LDB3: variants seen among roughly 807,000 people sequenced by gnomAD.
LDB3 encodes LIM domain binding 3.
Under a neutral mutation model 69.0 loss-of-function variants are expected in LDB3, and 49 were observed. The ratio of observed to expected loss-of-function variants is 0.71; its 90% CI spans 0.56 to 0.90. The LOEUF (loss-of-function observed/expected upper bound fraction) is 0.90. Ranked by LOEUF, LDB3 falls within the 40% of genes least tolerant of loss-of-function variation. The pLI is 0.00. For missense variants in LDB3, 928 were observed against 974.1 expected (o/e 0.95, Z 0.63); for synonymous variants, 387 against 396.2 (o/e 0.98, Z 0.28).
intron 12 of LDB3, among the ~76,000 whole-genome samples, chr10:86,724,023 A>C (rs1486182382): frequency 1.3e-5 from 2 of 152,190 alleles, no homozygotes; most frequent in East Asian, 1.9e-4. Flanking sequence ...TAAAATTGGA[A>C]TACTAGGCTG....
chr10:86,700,324 C>T (rs1017810660), intron 7 of LDB3, among the ~76,000 whole-genome samples: 3 of 152,148 alleles, frequency 2.0e-5, no homozygotes, highest in East Asian at 1.9e-4. Flanking sequence ...TATGGGAATA[C>T]TCGAATGCCC....
At chr10:86,730,257 C>A (rs1038243739) in intron 13 of LDB3, among the ~76,000 whole-genome samples, 2 of 152,190 alleles carry the variant, frequency 1.3e-5, no homozygotes, top group Non-Finnish European at 2.9e-5. Flanking sequence ...GGGGTGATTT[C>A]TCTGTCTCCA....
At chr10:86,719,597 G>A (rs117304734) in intron 12 of LDB3, among the ~76,000 whole-genome samples, 2,180 of 152,126 alleles carry the variant, frequency 0.014, 20 homozygotes, top group Admixed American at 0.024. Flanking sequence ...TACTTTCCTC[G>A]TCTGTAAACA....
intron 7 of LDB3, among the ~76,000 whole-genome samples, chr10:86,704,241 G>C (rs1328412472): frequency 6.6e-6 from 1 of 152,122 alleles, no homozygotes; most frequent in African/African-American, 2.4e-5. Flanking sequence ...ACACATGGAA[G>C]TTTGCAAAGT....
intron 7 of LDB3, among the ~76,000 whole-genome samples, chr10:86,703,078 T>C (rs1846320510): frequency 6.6e-6 from 1 of 152,208 alleles, no homozygotes; most frequent in Admixed American, 6.5e-5. Flanking sequence ...TAACAGTGAA[T>C]TGGAGCCAAG....
intron 2 of LDB3, among the ~76,000 whole-genome samples, chr10:86,677,899 T>G (rs1049415857): frequency 6.6e-6 from 1 of 152,206 alleles, no homozygotes; most frequent in Non-Finnish European, 1.5e-5. Context: ...CCCTTCAGCC[T>G]GGCAGTGTCT....
In LDB3 at chr10:86,697,968, A is replaced by G. The variant is rs75274502; in HGVS notation, c.896+5397A>G. Reference sequence around the variant, plus strand: ...TTCTCCCAATGGTAGCATCTTGCAAAATGAAAGCACAATATCACAACGAGG... The same window carrying G: ...TTCTCCCAATGGTAGCATCTTGCAAGATGAAAGCACAATATCACAACGAGG... On this transcript the variant is annotated intron_variant, in intron 7 of 13. Transcript: ENST00000361373. Among the ~76,000 whole-genome samples, 89 of 152,286 alleles carry G rather than the reference A, an allele frequency of 5.8e-4. 1 individual carries two copies. In the East Asian group the frequency reaches 0.017, roughly 28 times the overall value.
chr10:86,672,414 G>C (rs1333756455), intron 2 of LDB3, among the ~76,000 whole-genome samples: 1 of 152,262 alleles, frequency 6.6e-6, no homozygotes, highest in East Asian at 1.9e-4. Context: ...AACATGCTGA[G>C]GACAGAGGGT....
intron 9 of LDB3, among the ~76,000 whole-genome samples, chr10:86,713,065 AATAT>A (rs138161930): frequency 6.1e-5 from 9 of 148,532 alleles, no homozygotes; most frequent in East Asian, 5.9e-4. Flanking sequence ...CCGTCTCAAA[AATAT>A]ATATATATAT....
At chr10:86,681,965 C>T (rs938421839) in intron 5 of LDB3, among the ~76,000 whole-genome samples, 162 bp downstream of exon 5, 4 of 152,194 alleles carry the variant, frequency 2.6e-5, no homozygotes, top group South Asian at 2.1e-4. Flanking sequence ...TGCCATGAGC[C>T]GGGCATGCTA....
At chr10:86,677,780 G>A (rs4462249) in intron 2 of LDB3, among the ~76,000 whole-genome samples, 40,569 of 152,080 alleles carry the variant, frequency 0.27, 6,007 homozygotes, top group South Asian at 0.46. Context: ...TTTCCCAGCT[G>A]AGTTTGCTCA....
chr10:86,669,397 C>G (rs10887639), intron 2 of LDB3, among the ~76,000 whole-genome samples: 27,164 of 152,186 alleles, frequency 0.18, 2,694 homozygotes, highest in East Asian at 0.43. Flanking sequence ...TCTTGTTCCC[C>G]ACAAGTGCTG....
At position 86,718,779 on chromosome 10, in the gene LDB3, C is replaced by A; in HGVS notation, c.1910C>A (p.Ala637Glu). The A allele has an allele frequency of 1.2e-6, 2 of 1,614,098 alleles. No individual in the cohort carries two copies. The highest frequency in any genetic ancestry group is 1.7e-6 in the Non-Finnish European group (2 of 1,180,008). Residue 637 changes from alanine (A) to glutamate (E), a missense_variant, in exon 12 of 14, where the codon GCG becomes GAG. Ala to Glu is a moderately radical substitution (Grantham distance 107, BLOSUM62 -1). Coordinates refer to ENST00000361373, the MANE Select transcript of LDB3 (RefSeq NM_007078.3). ...TGGCACACCACCTGCTTCGTCTGTGCGGCCTGCAAGAAGCCTTTTGGGAAC... is the reference window on the plus strand; with the variant it reads ...TGGCACACCACCTGCTTCGTCTGTGAGGCCTGCAAGAAGCCTTTTGGGAAC... ...QTWHTTCFVCAACKKPFGNSL... is the reference protein window; with the variant it reads ...QTWHTTCFVCEACKKPFGNSL...
intron 2 of LDB3, among the ~76,000 whole-genome samples, chr10:86,672,237 C>T (rs900963631): frequency 3.9e-5 from 6 of 152,294 alleles, no homozygotes; most frequent in East Asian, 1.9e-4. Context: ...CTGGTGGAGT[C>T]GGGGGCTGAG....
chr10:86,678,723 C>T (rs1844943299), intron 2 of LDB3, among the ~76,000 whole-genome samples: 1 of 152,094 alleles, frequency 6.6e-6, no homozygotes, highest in African/African-American at 2.4e-5. Flanking sequence ...TTATTGTAAC[C>T]TCAAACTCCT....
chr10:86,699,898 C>G lies in LDB3; in HGVS notation c.897-6633C>G. The G allele has an allele frequency of 5.0e-6, 5 of 1,009,042 alleles. No individual in the cohort carries two copies. The highest frequency in any genetic ancestry group is 5.9e-6 in the Non-Finnish European group (5 of 843,206). The allele number at this position is 1,009,042 out of a possible 1,614,324, so 62.5% of individuals were successfully genotyped here. A position where few individuals can be genotyped will look rare whatever the true frequency, so the allele number is the denominator to read the frequency against. On this transcript the variant is annotated intron_variant, in intron 7 of 13. Transcript: ENST00000361373. The surrounding 1 kb of genome is among the most constrained non-coding windows in gnomAD (Gnocchi z 4.9). ...GGGCTCTTTGAAGAGGAAGTAGAAG[C>G]CCCAGGGTAATGAGGCAGAGACCCC...
At chr10:86,669,207 G>A (rs753760234) in intron 2 of LDB3, among the ~76,000 whole-genome samples, 29 of 152,160 alleles carry the variant, frequency 1.9e-4, no homozygotes, top group Admixed American at 1.1e-3. Flanking sequence ...GGCAGGTGAT[G>A]GGCAGTTGGA....
intron 13 of LDB3, 69 bp downstream of exon 13, chr10:86,726,321 C>T: frequency 2.5e-6 from 3 of 1,207,568 alleles, no homozygotes; most frequent in South Asian, 1.2e-5. Flanking sequence ...AGCCAGATGA[C>T]CAACCTCTAC....
intron 9 of LDB3, among the ~76,000 whole-genome samples, chr10:86,715,910 G>T (rs1235980547): frequency 2.0e-5 from 3 of 152,220 alleles, no homozygotes; most frequent in African/African-American, 7.2e-5. Flanking sequence ...AGGTATTTCA[G>T]ATGTCAAATC....
Sources: allele counts gnomAD v4.1 joint callset (sites outside exome capture counted in the v4.1 genomes callset), GRCh38; gene constraint gnomAD v4.1.1; non-coding constraint Gnocchi (gnomAD v3.1); transcripts MANE v1.5; gene names NCBI Gene and HGNC (gene_info 2026-07-23, HGNC 2026-07-21).